The following ATG16L2 variants were observed in gnomAD, a reference collection of about 807,000 sequenced individuals.
ATG16L2 encodes protein Atg16l2.
A neutral mutation model predicts 84.7 loss-of-function variants in ATG16L2; 77 were observed. That is an observed-to-expected ratio of 0.91 (90% CI 0.76 to 1.10). The LOEUF (loss-of-function observed/expected upper bound fraction) is 1.10. Among genes scored for constraint, ATG16L2 ranks in the 50% least tolerant of loss-of-function variants. ATG16L2 has a pLI of 0.00. For synonymous variants in ATG16L2, 361 were observed against 342.8 expected, an observed-to-expected ratio of 1.05 and a Z score of -0.59; for missense variants, 782 against 817.6, an observed-to-expected ratio of 0.96 and a Z score of 0.53.
intron 3 of ATG16L2, 57 bp downstream of exon 3, chr11:72,817,912 C>A (rs1338803572): frequency 4.1e-6 from 6 of 1,448,246 alleles, no homozygotes; most frequent in Non-Finnish European, 5.7e-6. Context: ...AGGGAGCCAG[C>A]CAGTGACGGG....
intron 3 of ATG16L2, chr11:72,818,912 ACTCATTTGAGAAC>A (rs940178921): frequency 3.3e-5 from 5 of 152,248 alleles, no homozygotes; most frequent in Admixed American, 1.3e-4. Context: ...ATAGGTACGG[ACTCATTTGAGAAC>A]CTTTCCCTAG....
At position 72,822,179 on chromosome 11, in the gene ATG16L2, C is replaced by T. The variant is rs1241068355; in HGVS notation, c.528C>T (p.Leu176=). 4.0e-6 allele frequency: 6 copies of T among 1,498,064 alleles called. No homozygotes were observed. In the African/African-American group the frequency reaches 7.3e-5, roughly 18 times the overall value. The allele number at this position is 1,498,064 out of a possible 1,614,324, so 92.8% of individuals were successfully genotyped here. ...AYEALRAHVG[L]REAALRRLQE... is the part of the protein sequence containing the mutation. ...AGGCGCTGCGCGCGCACGTCGGGCT[C>T]CGGGAGGCGGCACTGCGCAGGCTCC... Residue 176 remains leucine (L), a synonymous_variant, in exon 5 of 18, where the codon CTC becomes CTT. Transcript: ENST00000321297. The surrounding 1 kb of genome is among the most constrained non-coding windows in gnomAD (Gnocchi z 4.2).
rs1169823839 is a variant in ATG16L2, at chr11:72,824,836, T to A, written c.990T>A (p.Asp330Glu). ...CCCGACTTCCTACCCGGGCTCAGGA[T>A]GTGCTGGTAAGGGAGGAGCTGAGCC... Reference protein sequence around the residue: ...VAARLPTRAQDVLDAHLSEVN... With the variant: ...VAARLPTRAQEVLDAHLSEVN... The change falls in exon 9 of 18, where the codon GAT becomes GAA. Residue 330 changes from aspartate to glutamate, a missense_variant. Transcript: ENST00000321297. 7 of 1,589,392 alleles carry A rather than the reference T, an allele frequency of 4.4e-6. No individual in the cohort carries two copies. Among genetic ancestry groups the A allele is most frequent in the Non-Finnish European group, 5.1e-6 (6 of 1,167,598 alleles).
chr11:72,824,264 G>A, intron 8 of ATG16L2, 142 bp downstream of exon 8: 9 of 1,009,500 alleles, frequency 8.9e-6, no homozygotes, highest in East Asian at 4.8e-5. Flanking sequence ...TTGGAGACAG[G>A]AGCCAGGTGA....
chr11:72,819,586 C>T (rs1320882447), intron 3 of ATG16L2, among the ~76,000 whole-genome samples: 2 of 152,182 alleles, frequency 1.3e-5, no homozygotes, highest in East Asian at 3.9e-4. Context: ...TCGAGCTCCC[C>T]AGGCTCTTGT....
exon 6 of ATG16L2, chr11:72,842,932 G>T: frequency 9.9e-7 from 1 of 1,015,022 alleles, no homozygotes; most frequent in Non-Finnish European, 1.5e-6. Flanking sequence ...AACTAAAAGA[G>T]CATCATACAG....
At chr11:72,823,937 T>G in intron 7 of ATG16L2, 123 bp from the exon 8 acceptor site, 1 of 1,106,560 alleles carries the variant, frequency 9.0e-7, no homozygotes, top group Non-Finnish European at 1.4e-6. Flanking sequence ...AGAAGTCAAG[T>G]TCTTATCCCA....
At chr11:72,837,369 C>T (rs941547153) in intron 5 of ATG16L2, 1 of 151,698 alleles carries the variant, frequency 6.6e-6, no homozygotes, top group Non-Finnish European at 1.5e-5. Flanking sequence ...ATTTGGCGAG[C>T]ATTTCAAGTT....
At chr11:72,826,423 G>A (rs1343284736) in intron 11 of ATG16L2, 95 bp from the exon 12 acceptor site, 14 of 1,530,610 alleles carry the variant, frequency 9.1e-6, no homozygotes, top group South Asian at 3.5e-5. Context: ...GACCTGGGCC[G>A]TGGGAAACTG....
chr11:72,827,093 C>A, intron 13 of ATG16L2, 95 bp from the exon 14 acceptor site: 2 of 1,025,910 alleles, frequency 1.9e-6, no homozygotes, highest in Non-Finnish European at 2.9e-6. Flanking sequence ...CTTGGGAGGA[C>A]ACTGGGTTCT....
At chr11:72,841,711 C>T in intron 5 of ATG16L2, 2 of 954,540 alleles carry the variant, frequency 2.1e-6, no homozygotes, top group Non-Finnish European at 3.0e-6. Context: ...TTGTCAACCT[C>T]ATTAGAGGCA....
intron 5 of ATG16L2, among the ~76,000 whole-genome samples, chr11:72,840,651 A>G (rs568480826): frequency 6.6e-6 from 1 of 152,200 alleles, no homozygotes; most frequent in Non-Finnish European, 1.5e-5. Context: ...TCATCTTGCA[A>G]TCTCACTGTG....
chr11:72,817,774 C>T lies in ATG16L2; in HGVS notation c.237C>T (p.Asp79=). 6.2e-7 allele frequency: 1 copy of T among 1,613,780 alleles called. No individual in the cohort carries two copies. Among genetic ancestry groups the T allele is most frequent in the East Asian group, 2.2e-5 (1 of 44,888 alleles). Residue 79 remains aspartate (D), a synonymous_variant, in exon 3 of 18, where the codon GAC becomes GAT. Transcript: ENST00000321297. ...TTGGCAGGGAGGAGTCAGAGCTTGACTCAGACCAAGTCCCATCACTGGTCG... is the reference window on the plus strand; with the variant it reads ...TTGGCAGGGAGGAGTCAGAGCTTGATTCAGACCAAGTCCCATCACTGGTCG... ...HQGPWEESEL[D]SDQVPSLVAL...
intron 5 of ATG16L2, among the ~76,000 whole-genome samples, chr11:72,834,842 CCCAAAGTGCT>C (rs1860686544): frequency 1.3e-5 from 2 of 152,212 alleles, no homozygotes; most frequent in Admixed American, 1.3e-4. Flanking sequence ...GCCTTGGCCT[CCCAAAGTGCT>C]GGGATTACAG....
At chr11:72,817,074 T>C (rs548035295) in intron 2 of ATG16L2, among the ~76,000 whole-genome samples, 70 of 152,308 alleles carry the variant, frequency 4.6e-4, no homozygotes, top group Admixed American at 5.9e-4. Context: ...TTGTCCCATC[T>C]CCTTCCCGTC....
At chr11:72,827,621 CT>C (rs1192910959) in intron 14 of ATG16L2, among the ~76,000 whole-genome samples, 1 of 152,186 alleles carries the variant, frequency 6.6e-6, no homozygotes, top group Admixed American at 6.5e-5. Context: ...AAGACCCTAA[CT>C]TTGGGCTTGA....
At chr11:72,831,337 T>C (rs11824212), downstream of ATG16L2, among the ~76,000 whole-genome samples, 5,130 of 152,252 alleles carry the variant, frequency 0.034, 290 homozygotes, top group African/African-American at 0.12. Flanking sequence ...TGAAACCTTG[T>C]CTCTACTAAA....
intron 8 of ATG16L2, chr11:72,824,483 G>A (rs991866934): frequency 5.3e-6 from 3 of 565,724 alleles, no homozygotes; most frequent in Admixed American, 3.1e-5. Context: ...TTGAAACCCC[G>A]GCCCTGAGGT....
At chr11:72,819,006 C>G in intron 3 of ATG16L2, 1 of 152,180 alleles carries the variant, frequency 6.6e-6, no homozygotes, top group East Asian at 1.9e-4. Context: ...CCCACACCAC[C>G]CCCAGCCTCT....
Sources: gnomAD v4.1 joint callset for allele counts (sites outside exome capture counted in the v4.1 genomes callset) on GRCh38, gnomAD v4.1.1 for gene constraint, Gnocchi (gnomAD v3.1) non-coding constraint, MANE v1.5 for transcripts, NCBI Gene and HGNC (gene_info 2026-07-23, HGNC 2026-07-21) for gene names.